Variants in PDE1A observed in about 807,000 individuals in gnomAD.
PDE1A encodes the protein dual specificity calcium/calmodulin-dependent 3',5'-cyclic nucleotide phosphodiesterase 1A.
A neutral mutation model predicts 61.7 loss-of-function variants in PDE1A; 35 were observed. That is an observed-to-expected ratio of 0.57 (90% confidence interval 0.43 to 0.75). The LOEUF is 0.75. Ranked by LOEUF, PDE1A falls within the 30% of genes least tolerant of loss-of-function variation. PDE1A has a pLI of 0.00. For missense variants in PDE1A, 597 were observed against 630.6 expected (o/e 0.95, Z 0.57); for synonymous variants, 232 against 213.2 (o/e 1.09, Z -0.77).
At chr2:182,523,541 T>C (rs888569774), upstream of PDE1A, among the ~76,000 whole-genome samples, 5 of 152,236 alleles carry the variant, frequency 3.3e-5, no homozygotes, top group African/African-American at 9.6e-5. Flanking sequence ...TCTTCTTGTT[T>C]GTTTGAAAAC....
intron 2 of PDE1A, among the ~76,000 whole-genome samples, chr2:182,446,028 T>TA (rs1263284377): frequency 2.0e-5 from 3 of 152,258 alleles, no homozygotes; most frequent in Non-Finnish European, 4.4e-5. Context: ...ATATGCAAGA[T>TA]AAAAATGCCA....
intron 1 of PDE1A, among the ~76,000 whole-genome samples, chr2:182,296,423 T>A (rs1032195291): frequency 4.6e-5 from 7 of 152,214 alleles, no homozygotes; most frequent in Non-Finnish European, 1.0e-4. Context: ...TCTGAGTATA[T>A]GTGGCTACTA....
intron 2 of PDE1A, among the ~76,000 whole-genome samples, chr2:182,452,785 C>G (rs1255782956): frequency 2.6e-5 from 4 of 152,128 alleles, no homozygotes; most frequent in African/African-American, 9.7e-5. Context: ...CCATTTAAGT[C>G]TGCTAAAGCC....
intron 2 of PDE1A, among the ~76,000 whole-genome samples, chr2:182,466,890 G>T (rs1055921349): frequency 6.6e-6 from 1 of 151,942 alleles, no homozygotes; most frequent in African/African-American, 2.4e-5. Flanking sequence ...AGGCAACAGG[G>T]CATGGACACA....
At chr2:182,612,417 G>A in the PDE1A span, among the ~76,000 whole-genome samples, 1 of 152,270 alleles carries the variant, frequency 6.6e-6, no homozygotes. Context: ...TATTCTTCCA[G>A]TATGTAAGTT....
intron 7 of PDE1A, among the ~76,000 whole-genome samples, chr2:182,212,545 G>T (rs1319412705): frequency 2.6e-5 from 4 of 152,182 alleles, no homozygotes; most frequent in Non-Finnish European, 4.4e-5. Context: ...GTGGGCACAG[G>T]TCAGTGGGTG....
chr2:182,332,798 C>T (rs748197613), intron 1 of PDE1A, among the ~76,000 whole-genome samples: 1 of 151,962 alleles, frequency 6.6e-6, no homozygotes, highest in Non-Finnish European at 1.5e-5. Context: ...CTGGGAGGTG[C>T]CTCCCAGTCA....
intron 1 of PDE1A, among the ~76,000 whole-genome samples, chr2:182,341,331 T>A (rs1266074596): frequency 6.6e-6 from 1 of 152,198 alleles, no homozygotes; most frequent in Non-Finnish European, 1.5e-5. Context: ...ATTGATGAAG[T>A]CATTTGTATG....
Position 182,201,671 on chromosome 2 carries a change from A to AC in PDE1A, c.1004+16_1004+17insG. 1 of 1,557,926 alleles carries AC rather than the reference A, an allele frequency of 6.4e-7. No homozygotes were observed. Among genetic ancestry groups the AC allele is most frequent in the Non-Finnish European group, 8.7e-7 (1 of 1,154,038 alleles). On this transcript the variant is annotated intron_variant, in intron 9 of 13. Coordinates refer to ENST00000351439, the Ensembl canonical transcript of PDE1A. ...ATGACAAAAAAAAAAAAACAACAAA[A>AC]AAAACACAAAACCTACCCTTCAGGC... is the stretch of plus-strand genomic sequence containing the variant.
At chr2:182,576,121 A>C in the PDE1A span, among the ~76,000 whole-genome samples, 1 of 152,114 alleles carries the variant, frequency 6.6e-6, no homozygotes, top group East Asian at 1.9e-4. Context: ...TGGCCTTAAT[A>C]AATTCAAATT....
chr2:182,407,120 T>C (rs571182432), intron 1 of PDE1A, among the ~76,000 whole-genome samples: 3 of 152,292 alleles, frequency 2.0e-5, no homozygotes, highest in East Asian at 3.9e-4. Context: ...ATAGGAAACG[T>C]CTTAAATATA....
the PDE1A span, among the ~76,000 whole-genome samples, chr2:182,653,454 C>T: frequency 1.3e-5 from 2 of 152,138 alleles, no homozygotes. Context: ...AACTATTTGG[C>T]CATACACTTG....
intron 10 of PDE1A, among the ~76,000 whole-genome samples, chr2:182,194,298 T>C (rs970502392): frequency 1.3e-5 from 2 of 152,186 alleles, no homozygotes; most frequent in African/African-American, 4.8e-5. Context: ...TGACTTCTTA[T>C]CTTGCCAACC....
intron 2 of PDE1A, among the ~76,000 whole-genome samples, chr2:182,484,998 A>C (rs1359135512): frequency 1.3e-5 from 2 of 152,136 alleles, no homozygotes; most frequent in African/African-American, 2.4e-5. Flanking sequence ...CATTCAACCC[A>C]GCAATTCCAT....
At chr2:182,619,506 G>T in the PDE1A span, among the ~76,000 whole-genome samples, 2 of 152,064 alleles carry the variant, frequency 1.3e-5, no homozygotes, top group East Asian at 3.9e-4. Context: ...ATTTGTCAGA[G>T]CCACTCACGG....
At chr2:182,673,989 CATATATATATATATATATATAT>C in the PDE1A span, among the ~76,000 whole-genome samples, 1 of 135,262 alleles carries the variant, frequency 7.4e-6, no homozygotes, top group East Asian at 2.1e-4. Context: ...AATATAACTT[CATATATATATATATATATATAT>C]ATATATATAT....
intron 10 of PDE1A, among the ~76,000 whole-genome samples, chr2:182,192,137 G>A (rs1488785505): frequency 2.0e-5 from 3 of 152,038 alleles, no homozygotes; most frequent in East Asian, 1.9e-4. Flanking sequence ...GATTACTGGC[G>A]TGAGCCACTG....
At chr2:182,388,999 T>C (rs534705720) in intron 1 of PDE1A, among the ~76,000 whole-genome samples, 1 of 152,198 alleles carries the variant, frequency 6.6e-6, no homozygotes, top group East Asian at 1.9e-4. Context: ...GAGAGACTAC[T>C]ATGAACAATT....
intron 2 of PDE1A, among the ~76,000 whole-genome samples, chr2:182,512,302 G>T (rs1405077321): frequency 2.0e-5 from 3 of 152,120 alleles, no homozygotes; most frequent in Admixed American, 2.0e-4. Context: ...CTGGTCCCAG[G>T]CCCCAGTATT....
Sources: gnomAD v4.1 joint callset for allele counts (sites outside exome capture counted in the v4.1 genomes callset) on GRCh38, gnomAD v4.1.1 for gene constraint, MANE v1.5 for transcripts, NCBI Gene and HGNC (gene_info 2026-07-23, HGNC 2026-07-21) for gene names.